The following GNA14 variants were observed in gnomAD, a reference collection of about 807,000 sequenced individuals.
The protein encoded by GNA14 is guanine nucleotide-binding protein subunit alpha-14.
Under a neutral mutation model 42.0 loss-of-function variants are expected in GNA14, and 50 were observed. That is an observed-to-expected ratio of 1.19 (90% CI 0.95 to 1.51). The LOEUF (loss-of-function observed/expected upper bound fraction) is 1.51. Ranked by LOEUF, GNA14 falls within the 40% of genes most tolerant of loss-of-function variation. GNA14 has a pLI of 0.00. For synonymous variants in GNA14, 173 were observed against 163.1 expected (o/e 1.06, Z -0.46); for missense variants, 473 against 446.2 (o/e 1.06, Z -0.54).
intron 1 of GNA14, among the ~76,000 whole-genome samples, chr9:77,591,215 G>A (rs768594734): frequency 1.2e-4 from 19 of 152,042 alleles, no homozygotes; most frequent in Non-Finnish European, 2.4e-4. Context: ...TACTACATAG[G>A]CCTCCCAAAG....
intron 1 of GNA14, 88 bp downstream of exon 1, chr9:77,647,582 C>A: frequency 6.9e-7 from 1 of 1,456,992 alleles, no homozygotes; most frequent in Middle Eastern, 2.1e-4. Context: ...CCGCTGGGCT[C>A]CAGGGCCGCG....
chr9:77,587,382 A>T (rs1486069414), intron 1 of GNA14, among the ~76,000 whole-genome samples: 2 of 152,238 alleles, frequency 1.3e-5, no homozygotes, highest in African/African-American at 2.4e-5. Flanking sequence ...CACAATAGCC[A>T]AAATGTAGAA....
At chr9:77,582,456 T>C (rs1823240597) in intron 1 of GNA14, among the ~76,000 whole-genome samples, 1 of 152,208 alleles carries the variant, frequency 6.6e-6, no homozygotes, top group Admixed American at 6.5e-5. Context: ...CCAATCTCCT[T>C]AACTGCTGTC....
chr9:77,553,492 A>G (rs1417769074), intron 1 of GNA14, among the ~76,000 whole-genome samples: 2 of 152,234 alleles, frequency 1.3e-5, no homozygotes, highest in African/African-American at 4.8e-5. Flanking sequence ...CAATAGAAAA[A>G]AAAAGCAGGG....
chr9:77,497,809 T>C (rs1201323017), intron 2 of GNA14, among the ~76,000 whole-genome samples: 2 of 151,854 alleles, frequency 1.3e-5, no homozygotes, highest in Non-Finnish European at 2.9e-5. Context: ...ACCTAAAAAC[T>C]TTATGACTTT....
intron 2 of GNA14, among the ~76,000 whole-genome samples, chr9:77,520,651 C>T (rs11791995): frequency 0.1 from 15,658 of 152,170 alleles, 907 homozygotes; most frequent in Middle Eastern, 0.16. Context: ...CTGCAACCTC[C>T]GCCTCCGGGG....
At chr9:77,518,650 C>G (rs529770821) in intron 2 of GNA14, among the ~76,000 whole-genome samples, 1 of 152,256 alleles carries the variant, frequency 6.6e-6, no homozygotes, top group African/African-American at 2.4e-5. Context: ...TACAATCAAC[C>G]ACAACTTAAC....
chr9:77,586,874 G>A (rs910250337), intron 1 of GNA14, among the ~76,000 whole-genome samples: 2 of 152,060 alleles, frequency 1.3e-5, no homozygotes, highest in Admixed American at 1.3e-4. Flanking sequence ...AACACGCCTG[G>A]TCCCCCAGGT....
At chr9:77,464,008 T>G (rs886420947) in intron 2 of GNA14, among the ~76,000 whole-genome samples, 8 of 152,200 alleles carry the variant, frequency 5.3e-5, no homozygotes, top group Non-Finnish European at 1.0e-4. Flanking sequence ...TGTTGTTGTT[T>G]TTGTTTTTTT....
intron 1 of GNA14, among the ~76,000 whole-genome samples, chr9:77,595,459 C>CA (rs1041841710): frequency 6.6e-6 from 1 of 151,998 alleles, no homozygotes; most frequent in Non-Finnish European, 1.5e-5. Flanking sequence ...GCAACATACA[C>CA]ACACCTCATC....
At chr9:77,499,401 A>C (rs866078081) in intron 2 of GNA14, among the ~76,000 whole-genome samples, 5 of 152,252 alleles carry the variant, frequency 3.3e-5, no homozygotes, top group African/African-American at 1.2e-4. Flanking sequence ...AAAAAAAAAA[A>C]AACTGATGAC....
In GNA14 at chr9:77,423,275, GTGCACA is replaced by G. The variant is rs1835401372; in HGVS notation, c.*698_*703del. 6.6e-6 allele frequency: 1 copy of G among 150,678 alleles called. No individual in the cohort carries two copies. Among genetic ancestry groups the G allele is most frequent in the Admixed American group, 6.7e-5 (1 of 15,010 alleles). 9.3% of individuals were successfully genotyped at this position (150,678 alleles called of 1,614,324 possible). A position where few individuals can be genotyped will look rare whatever the true frequency, so the allele number is the denominator to read the frequency against. ...GGTAAAAATGTACACACACACACAC[GTGCACA>G]CACACACATTTTTCACCAATAAAAC... is the stretch of plus-strand genomic sequence containing the variant. On this transcript the variant is annotated 3_prime_UTR_variant, in exon 7 of 7. Transcript: ENST00000341700.
At chr9:77,433,891 A>G (rs908692019) in intron 3 of GNA14, among the ~76,000 whole-genome samples, 4 of 152,190 alleles carry the variant, frequency 2.6e-5, no homozygotes, top group African/African-American at 9.6e-5. Flanking sequence ...TCAGCAGCTG[A>G]TGGGTCCACG....
At chr9:77,541,500 A>G (rs1211931321) in intron 1 of GNA14, among the ~76,000 whole-genome samples, 1 of 152,188 alleles carries the variant, frequency 6.6e-6, no homozygotes, top group East Asian at 1.9e-4. Context: ...CAGTTTGACT[A>G]TAATATGCTG....
At chr9:77,586,178 T>C (rs1479558972) in intron 1 of GNA14, among the ~76,000 whole-genome samples, 1 of 152,084 alleles carries the variant, frequency 6.6e-6, no homozygotes, top group Non-Finnish European at 1.5e-5. Context: ...TTCCCACAAA[T>C]TGGTTATAAC....
At chr9:77,431,258 A>T (rs1320290074) in intron 4 of GNA14, 63 bp downstream of exon 4, 2 of 1,481,768 alleles carry the variant, frequency 1.3e-6, no homozygotes, top group African/African-American at 2.8e-5. Flanking sequence ...ACGTTTAAGA[A>T]TCCACCTGGG....
chr9:77,497,096 G>A (rs551867716), intron 2 of GNA14, among the ~76,000 whole-genome samples: 1 of 152,128 alleles, frequency 6.6e-6, no homozygotes, highest in African/African-American at 2.4e-5. Context: ...TCCCCTCCAC[G>A]GCAGAGGTGC....
At chr9:77,564,738 C>T (rs1327310607) in intron 1 of GNA14, among the ~76,000 whole-genome samples, 1 of 151,698 alleles carries the variant, frequency 6.6e-6, no homozygotes, top group Non-Finnish European at 1.5e-5. Flanking sequence ...GAGGCTGAGG[C>T]GTGAGAATCG....
At chr9:77,449,084 T>C (rs1164723682) in intron 2 of GNA14, among the ~76,000 whole-genome samples, 1 of 152,242 alleles carries the variant, frequency 6.6e-6, no homozygotes, top group Non-Finnish European at 1.5e-5. Flanking sequence ...ATCTTTTCTA[T>C]GTTAAGATAC....
Sources: allele counts gnomAD v4.1 joint callset (sites outside exome capture counted in the v4.1 genomes callset), GRCh38; gene constraint gnomAD v4.1.1; transcripts MANE v1.5; gene names NCBI Gene and HGNC (gene_info 2026-07-23, HGNC 2026-07-21).